ABCC4: variants seen among roughly 807,000 people sequenced by gnomAD.
ABCC4 encodes ATP binding cassette subfamily C member 4 (PEL blood group).
ABCC4 carries 102 observed loss-of-function variants against 168.5 expected under a neutral mutation model. The observed-to-expected ratio is 0.61, with a 90% CI of 0.52 to 0.71. The LOEUF (loss-of-function observed/expected upper bound fraction) is 0.71, where lower values mean the gene tolerates loss of function less well. Ranked by LOEUF, ABCC4 falls within the 30% of genes least tolerant of loss-of-function variation. The pLI is 0.00. For synonymous variants in ABCC4, 617 were observed against 590.7 expected (o/e 1.04, Z -0.65); for missense variants, 1,402 against 1,605.8 (o/e 0.87, Z 2.17).
At chr13:95,095,603 T>C (rs1053648480) in intron 20 of ABCC4, among the ~76,000 whole-genome samples, 1 of 152,078 alleles carries the variant, frequency 6.6e-6, no homozygotes, top group African/African-American at 2.4e-5. Context: ...ACTGCTTGGG[T>C]GATGGGTGCA....
intron 4 of ABCC4, among the ~76,000 whole-genome samples, chr13:95,215,811 A>T (rs1454077649): frequency 1.3e-5 from 2 of 152,250 alleles, no homozygotes; most frequent in Non-Finnish European, 2.9e-5. Context: ...TGCGAGTTAT[A>T]GCTAAAGCAA....
chr13:95,053,472 T>G (rs979604182), intron 26 of ABCC4, among the ~76,000 whole-genome samples: 9 of 152,182 alleles, frequency 5.9e-5, no homozygotes, highest in African/African-American at 2.2e-4. Flanking sequence ...TTTCCTCATA[T>G]TATTAGCTTA....
At chr13:95,092,820 A>G (rs903136704) in intron 20 of ABCC4, among the ~76,000 whole-genome samples, 13 of 152,160 alleles carry the variant, frequency 8.5e-5, no homozygotes, top group Admixed American at 1.3e-4. Flanking sequence ...AATAAAATTG[A>G]TAGGCCATTA....
At chr13:95,177,494 T>C (rs980890654) in intron 13 of ABCC4, among the ~76,000 whole-genome samples, 12 of 152,214 alleles carry the variant, frequency 7.9e-5, no homozygotes, top group Non-Finnish European at 1.3e-4. Flanking sequence ...CTCCACTCAC[T>C]GCAACACACT....
intron 1 of ABCC4, among the ~76,000 whole-genome samples, chr13:95,282,740 G>A (rs2041157659): frequency 1.3e-5 from 2 of 151,486 alleles, no homozygotes; most frequent in South Asian, 4.2e-4. Context: ...TCACCATGTT[G>A]ACCAGTCTGC....
chr13:95,197,738 AG>A (rs1338931596), intron 8 of ABCC4, among the ~76,000 whole-genome samples: 24 of 152,204 alleles, frequency 1.6e-4, no homozygotes, highest in Non-Finnish European at 2.9e-4. Flanking sequence ...ATAAAACCTC[AG>A]AGACACATTT....
intron 9 of ABCC4, among the ~76,000 whole-genome samples, chr13:95,192,619 T>C (rs953777836): frequency 1.3e-5 from 2 of 152,136 alleles, no homozygotes; most frequent in Non-Finnish European, 2.9e-5. Flanking sequence ...TGTCTGTCAA[T>C]GCTTGAAGTG....
intron 19 of ABCC4, among the ~76,000 whole-genome samples, chr13:95,118,854 T>C (rs2035467196): frequency 6.6e-6 from 1 of 152,212 alleles, no homozygotes. Context: ...TTGCTGCTGA[T>C]TCTGCCCTTA....
chr13:95,076,579 C>T (rs1280783396), intron 21 of ABCC4, among the ~76,000 whole-genome samples: 3 of 151,468 alleles, frequency 2.0e-5, no homozygotes, highest in Non-Finnish European at 4.4e-5. Flanking sequence ...ATTCTCCTGC[C>T]TCAGCCCCCT....
intron 1 of ABCC4, among the ~76,000 whole-genome samples, chr13:95,273,312 C>T (rs565907515): frequency 5.1e-4 from 78 of 152,222 alleles, no homozygotes; most frequent in African/African-American, 1.8e-3. Context: ...GGTTCAGGTG[C>T]GAGTGTGTTT....
At chr13:95,257,422 C>A (rs958286828) in intron 1 of ABCC4, among the ~76,000 whole-genome samples, 1 of 152,150 alleles carries the variant, frequency 6.6e-6, no homozygotes, top group Non-Finnish European at 1.5e-5. Flanking sequence ...AATCCCAGCA[C>A]TTTGGGAGGC....
intron 1 of ABCC4, among the ~76,000 whole-genome samples, chr13:95,258,956 C>A (rs576149818): frequency 2.2e-4 from 34 of 152,258 alleles, no homozygotes; most frequent in Admixed American, 2.2e-3. Context: ...GCTGCTGGGC[C>A]CGGCCTGGGG....
intron 1 of ABCC4, among the ~76,000 whole-genome samples, chr13:95,265,110 C>G (rs932364430): frequency 6.6e-6 from 1 of 152,034 alleles, no homozygotes; most frequent in African/African-American, 2.4e-5. Flanking sequence ...CTCAGGTGAT[C>G]CACTCACCTC....
intron 1 of ABCC4, among the ~76,000 whole-genome samples, chr13:95,276,266 T>TTAAA (rs1267792846): frequency 6.6e-6 from 1 of 151,816 alleles, no homozygotes; most frequent in Non-Finnish European, 1.5e-5. Context: ...AATTGTTTTA[T>TTAAA]TAGCTAGGCA....
At position 95,064,404 on chromosome 13, in the gene ABCC4, T is replaced by C. The variant is rs942042398; in HGVS notation, c.3211-1545A>G. 2.6e-5 allele frequency among the ~76,000 whole-genome samples: 4 copies of C among 151,622 alleles called. No homozygotes were observed. The East Asian group carries it at 5.8e-4, about 22-fold the overall frequency. On this transcript the variant is annotated intron_variant, in intron 25 of 30. Coordinates refer to ENST00000645237, the MANE Select transcript of ABCC4 (RefSeq NM_005845.5). ...ACAGGTATTCATTTTTCCAGACTTCTATCATTTAAGATGACACATTCTTTG... is the reference window on the plus strand; with the variant it reads ...ACAGGTATTCATTTTTCCAGACTTCCATCATTTAAGATGACACATTCTTTG...
chr13:95,163,286 T>C lies in ABCC4; in HGVS notation c.2214-70A>G, dbSNP rs890111337. 36 of 1,095,726 alleles carry C rather than the reference T, an allele frequency of 3.3e-5. No individual in the cohort carries two copies. The African/African-American group carries it at 5.5e-4, about 17-fold the overall frequency. 67.9% of individuals were successfully genotyped at this position (1,095,726 alleles called of 1,614,324 possible). A position where few individuals can be genotyped will look rare whatever the true frequency, so the allele number is the denominator to read the frequency against. On this transcript the variant is annotated intron_variant, in intron 17 of 30. Transcript: ENST00000645237. ...TTAGATAAATACATTTTTTTAAAAA[T>C]GAACCACAATTTGGGAGAAACGCTT...
intron 19 of ABCC4, among the ~76,000 whole-genome samples, chr13:95,127,391 T>C (rs893311899): frequency 1.4e-4 from 22 of 152,140 alleles, no homozygotes; most frequent in Non-Finnish European, 2.8e-4. Flanking sequence ...GTTCAAGCGA[T>C]TCTCCTGCCT....
At chr13:95,132,277 G>A (rs556712360) in intron 19 of ABCC4, among the ~76,000 whole-genome samples, 26 of 152,260 alleles carry the variant, frequency 1.7e-4, no homozygotes, top group African/African-American at 2.6e-4. Flanking sequence ...GTGTAGTGGC[G>A]TGATCTCGGC....
Position 95,166,299 on chromosome 13 carries a change from T to C in ABCC4, c.1893A>G (p.Leu631=). 1 of 1,613,992 alleles carries C rather than the reference T, an allele frequency of 6.2e-7. No individual in the cohort carries two copies. The highest frequency in any genetic ancestry group is 1.1e-5 in the South Asian group (1 of 91,066). ...GTTCACTTTCCTCATTATCCTTCTT[T>C]AAAAGGGAGCCAAAATCTATACCAG... ...LKSGIDFGSL[L]KKDNEESEQP... is the part of the protein sequence containing the mutation. The change falls in exon 15 of 31, where the codon TTA becomes TTG. Residue 631 remains leucine, a synonymous_variant. Coordinates refer to ENST00000645237, the MANE Select transcript of ABCC4 (RefSeq NM_005845.5).
Sources: gnomAD v4.1 joint callset for allele counts (sites outside exome capture counted in the v4.1 genomes callset) on GRCh38, gnomAD v4.1.1 for gene constraint, MANE v1.5 for transcripts, NCBI Gene and HGNC (gene_info 2026-07-23, HGNC 2026-07-21) for gene names.